Variants in GRM7 observed in about 807,000 individuals in gnomAD.
GRM7 encodes metabotropic glutamate receptor 7.
GRM7 carries 35 observed loss-of-function variants against 84.5 expected under a neutral mutation model. The ratio of observed to expected loss-of-function variants is 0.41; its 90% CI spans 0.32 to 0.55. GRM7 has a LOEUF of 0.55. GRM7 is among the 20% of genes least tolerant of loss of function. The probability of loss-of-function intolerance (pLI) is 0.19; values close to 1 mark genes in which losing one functional copy is unlikely to be tolerated. For synonymous variants in GRM7, 487 were observed against 455.1 expected, an observed-to-expected ratio of 1.07 and a Z score of -0.89; for missense variants, 1,003 against 1,194.6, an observed-to-expected ratio of 0.84 and a Z score of 2.36.
chr3:7,057,072 A>T (rs930691053), intron 1 of GRM7, among the ~76,000 whole-genome samples: 4 of 151,980 alleles, frequency 2.6e-5, no homozygotes, highest in African/African-American at 9.7e-5. Flanking sequence ...GGAAGAAATT[A>T]AATTAGGTTC....
At chr3:6,870,825 GATT>G (rs1695096719) in intron 1 of GRM7, among the ~76,000 whole-genome samples, 1 of 152,148 alleles carries the variant, frequency 6.6e-6, no homozygotes, top group South Asian at 2.1e-4. Flanking sequence ...GGAAAGTTGA[GATT>G]ATTATCATCT....
intron 2 of GRM7, among the ~76,000 whole-genome samples, chr3:7,229,781 C>G (rs1401644934): frequency 1.2e-5 from 1 of 81,156 alleles, no homozygotes; most frequent in Admixed American, 1.6e-4. Flanking sequence ...TTTTGGTTGA[C>G]AGGTGTTGAG....
chr3:7,372,297 C>T (rs1178274986), intron 4 of GRM7, among the ~76,000 whole-genome samples: 1 of 152,076 alleles, frequency 6.6e-6, no homozygotes, highest in Admixed American at 6.6e-5. Context: ...TTCTGGAACC[C>T]TTAATTGTGG....
chr3:7,722,898 T>C (rs946155871), intron 9 of GRM7, among the ~76,000 whole-genome samples: 1 of 152,164 alleles, frequency 6.6e-6, no homozygotes, highest in Non-Finnish European at 1.5e-5. Context: ...TAATTCTTGG[T>C]GGTAGATGTT....
At chr3:7,386,157 T>A (rs1694778417) in intron 4 of GRM7, among the ~76,000 whole-genome samples, 1 of 152,256 alleles carries the variant, frequency 6.6e-6, no homozygotes, top group African/African-American at 2.4e-5. Flanking sequence ...ATAGCTCTTG[T>A]GTAGAAATCT....
chr3:6,993,585 G>C (rs1212890548), intron 1 of GRM7, among the ~76,000 whole-genome samples: 1 of 152,124 alleles, frequency 6.6e-6, no homozygotes, highest in African/African-American at 2.4e-5. Flanking sequence ...GTCTTAACTT[G>C]AAAAGAAAAG....
At chr3:7,247,853 C>T (rs1011373462) in intron 2 of GRM7, among the ~76,000 whole-genome samples, 1 of 151,928 alleles carries the variant, frequency 6.6e-6, no homozygotes, top group African/African-American at 2.4e-5. Context: ...AGTAAATAAG[C>T]ATTTCAAAAA....
chr3:7,064,491 C>CATATATATATACACACATATACAT (rs1559415459), intron 1 of GRM7, among the ~76,000 whole-genome samples: 22 of 69,668 alleles, frequency 3.2e-4, no homozygotes, highest in African/African-American at 1.1e-3. Context: ...CACACATATA[C>CATATATATATACACACATATACAT]ATATATATAT....
rs140514719 is a variant in GRM7, at chr3:7,472,668, T to C, written c.1515+10946T>C. ...GAGCTCCCAAGAGGGTAGTGAGAGA[T>C]GAGGCAACAAACTCACCACTTCCAG... On this transcript the variant is annotated intron_variant, in intron 7 of 9. Coordinates refer to ENST00000357716, the MANE Select transcript of GRM7 (RefSeq NM_000844.4). Among the ~76,000 whole-genome samples the C allele has an allele frequency of 1.5e-3, 229 of 152,278 alleles. 1 individual carries two copies. The highest frequency in any genetic ancestry group is 4.8e-3 in the African/African-American group (198 of 41,550).
At chr3:7,643,376 G>A (rs948296048) in intron 8 of GRM7, among the ~76,000 whole-genome samples, 2 of 152,112 alleles carry the variant, frequency 1.3e-5, no homozygotes, top group African/African-American at 4.8e-5. Context: ...GGCACAGTGG[G>A]ACTCTGGAAA....
chr3:7,447,737 T>TAA (rs1559329105), intron 5 of GRM7, among the ~76,000 whole-genome samples: 7 of 151,298 alleles, frequency 4.6e-5, no homozygotes, highest in Non-Finnish European at 7.4e-5. Flanking sequence ...CTTTTTTTTT[T>TAA]AATATTTATT....
At chr3:6,975,955 A>G (rs1693976176) in intron 1 of GRM7, among the ~76,000 whole-genome samples, 1 of 152,138 alleles carries the variant, frequency 6.6e-6, no homozygotes, top group East Asian at 1.9e-4. Flanking sequence ...TGGACCATAC[A>G]CTGATTTTGT....
intron 8 of GRM7, among the ~76,000 whole-genome samples, chr3:7,617,627 A>T (rs940185134): frequency 6.6e-6 from 1 of 152,144 alleles, no homozygotes; most frequent in Non-Finnish European, 1.5e-5. Context: ...CAAGGAAAGG[A>T]AGCAAAATGC....
rs373951591 is a variant in GRM7, at chr3:7,096,503, C to CT, written c.520-49948dup. ...AGGGATCACAGAGCTTCCATGCCCT[C>CT]TCCCCCCACTGTGATGATGCATCAC... On this transcript the variant is annotated intron_variant, in intron 1 of 9. Coordinates refer to ENST00000357716, the MANE Select transcript of GRM7 (RefSeq NM_000844.4). Among the ~76,000 whole-genome samples, 13 of 152,212 alleles carry CT rather than the reference C, an allele frequency of 8.5e-5. No individual in the cohort carries two copies. In the East Asian group the frequency reaches 2.1e-3, roughly 25 times the overall value.
At chr3:6,892,877 A>T (rs972455763) in intron 1 of GRM7, 6 of 152,148 alleles carry the variant, frequency 3.9e-5, no homozygotes, top group African/African-American at 1.4e-4. Flanking sequence ...AAACGATGCG[A>T]AACCCGAACT....
chr3:7,659,791 GGTGAGGATTTTGTTTTCCTATTCTA>G (rs1279858725), intron 8 of GRM7, among the ~76,000 whole-genome samples: 1 of 152,002 alleles, frequency 6.6e-6, no homozygotes, highest in Non-Finnish European at 1.5e-5. Context: ...TTTTAAAAAG[GGTGAGGATTTTGTTTTCCTATTCTA>G]GTCTCTTGGG....
intron 2 of GRM7, among the ~76,000 whole-genome samples, chr3:7,236,275 G>T (rs1021246496): frequency 7.2e-5 from 11 of 152,178 alleles, no homozygotes; most frequent in Admixed American, 6.5e-5. Context: ...AGTAACATTT[G>T]CCTGGTGCCT....
At chr3:7,159,962 C>A (rs1206193395) in intron 2 of GRM7, among the ~76,000 whole-genome samples, 1 of 152,018 alleles carries the variant, frequency 6.6e-6, no homozygotes, top group African/African-American at 2.4e-5. Flanking sequence ...AAAGCATTAC[C>A]CATGCTATTA....
intron 7 of GRM7, among the ~76,000 whole-genome samples, chr3:7,511,478 C>T (rs3804936): frequency 0.61 from 93,190 of 151,952 alleles, 28,926 homozygotes; most frequent in East Asian, 0.67. Context: ...TGACTGCTTG[C>T]CATCAAGATT....
Sources: gnomAD v4.1 joint callset for allele counts (sites outside exome capture counted in the v4.1 genomes callset) on GRCh38, gnomAD v4.1.1 for gene constraint, MANE v1.5 for transcripts, NCBI Gene and HGNC (gene_info 2026-07-23, HGNC 2026-07-21) for gene names.